E2F5: variants seen among roughly 807,000 people sequenced by gnomAD.
E2F5 encodes E2F transcription factor 5, also known as transcription factor E2F5.
E2F5 carries 23 observed loss-of-function variants against 39.1 expected under a neutral mutation model. The ratio of observed to expected loss-of-function variants is 0.59; its 90% confidence interval spans 0.42 to 0.83. E2F5 has a LOEUF of 0.83. E2F5 is among the 40% of genes least tolerant of loss of function. The pLI is 0.00. For missense variants in E2F5, 365 were observed against 406.7 expected (o/e 0.90, Z 0.88); for synonymous variants, 145 against 157.8 (o/e 0.92, Z 0.61).
rs1166893769 is a variant in E2F5 at position 85,189,166 on chromosome 8, A to G, written c.234+11512A>G. ...TCTTAATATTTTTGTGAAAGTGAGGATATACTTTCTGATGTTCCTTTTCCA... is the reference window on the plus strand; with the variant it reads ...TCTTAATATTTTTGTGAAAGTGAGGGTATACTTTCTGATGTTCCTTTTCCA... On this transcript the variant is annotated intron_variant, in intron 1 of 7. Coordinates refer to ENST00000416274, the MANE Select transcript of E2F5 (RefSeq NM_001951.4). Among the ~76,000 whole-genome samples the G allele has an allele frequency of 2.6e-5, 4 of 152,264 alleles. No homozygotes were observed. In the East Asian group the frequency reaches 7.7e-4, roughly 29 times the overall value.
At chr8:85,188,833 T>C (rs1469886675) in intron 1 of E2F5, among the ~76,000 whole-genome samples, 4 of 152,202 alleles carry the variant, frequency 2.6e-5, no homozygotes, top group Non-Finnish European at 4.4e-5. Context: ...GTCTCTCTCC[T>C]TGCTGTGCTT....
chr8:85,204,505 A>T (rs375865301), intron 3 of E2F5, among the ~76,000 whole-genome samples: 8 of 132,486 alleles, frequency 6.0e-5, no homozygotes, highest in East Asian at 2.5e-4. Context: ...GAACACATGG[A>T]CACAGGAAGG....
At chr8:85,210,547 G>A (rs898589495) in intron 6 of E2F5, among the ~76,000 whole-genome samples, 1 of 152,000 alleles carries the variant, frequency 6.6e-6, no homozygotes, top group Non-Finnish European at 1.5e-5. Context: ...TGGGTGTGGC[G>A]GCGCACACCT....
rs182533921 is a variant in E2F5, at chr8:85,189,975, C to T, written c.235-12172C>T. Among the ~76,000 whole-genome samples, 513 of 152,128 alleles carry T rather than the reference C, an allele frequency of 3.4e-3. 2 individuals carry two copies. Among genetic ancestry groups the T allele is most frequent in the Non-Finnish European group, 6.1e-3 (412 of 68,012 alleles). ...TAGCTGGGAGCTGACCTAGGAACTC[C>T]GGGACTCAAAAGCCAGATGTCATCA... is the stretch of plus-strand genomic sequence containing the variant. On this transcript the variant is annotated intron_variant, in intron 1 of 7. Transcript: ENST00000416274.
intron 5 of E2F5, among the ~76,000 whole-genome samples, chr8:85,208,370 A>G (rs1348863388): frequency 6.6e-6 from 1 of 152,226 alleles, no homozygotes; most frequent in Non-Finnish European, 1.5e-5. Context: ...TGATATAAAA[A>G]TTGCCACTGA....
chr8:85,184,961 C>T (rs1265648734), intron 1 of E2F5, among the ~76,000 whole-genome samples: 2 of 152,154 alleles, frequency 1.3e-5, no homozygotes, highest in Non-Finnish European at 2.9e-5. Context: ...AGATTCAATG[C>T]TATCCCTATC....
chr8:85,184,106 G>A (rs1236676386), intron 1 of E2F5, among the ~76,000 whole-genome samples: 13 of 152,212 alleles, frequency 8.5e-5, no homozygotes, highest in South Asian at 8.3e-4. Context: ...ACTGATGAAC[G>A]TCGATGCAAA....
intron 1 of E2F5, among the ~76,000 whole-genome samples, chr8:85,194,490 A>G (rs371877696): frequency 8.9e-5 from 13 of 146,638 alleles, no homozygotes; most frequent in East Asian, 4.0e-4. Context: ...TAGTTTTCTG[A>G]TTAACTTAGG....
At position 85,202,082 on chromosome 8, in the gene E2F5, C is replaced by A. The variant is rs1812709401; in HGVS notation, c.235-65C>A. 5 of 1,314,254 alleles carry A rather than the reference C, an allele frequency of 3.8e-6. No homozygotes were observed. In the Admixed American group the frequency reaches 7.9e-5, roughly 21 times the overall value. The allele number at this position is 1,314,254 out of a possible 1,614,324, so 81.4% of individuals were successfully genotyped here. A position where few individuals can be genotyped will look rare whatever the true frequency, so the allele number is the denominator to read the frequency against. On this transcript the variant is annotated intron_variant, in intron 1 of 7. Transcript: ENST00000416274. ...GACTTGTTGTGGATTTAATAATCAA[C>A]CCTTTTTGGCTTTAAAATATGACTT...
intron 1 of E2F5, among the ~76,000 whole-genome samples, chr8:85,182,114 C>T (rs1302093263): frequency 6.6e-6 from 1 of 152,186 alleles, no homozygotes; most frequent in Non-Finnish European, 1.5e-5. Flanking sequence ...CATATAGTCT[C>T]ATTTACAATA....
rs1813038143 is a variant in E2F5 at position 85,214,256 on chromosome 8, T to A, written c.*394T>A. The A allele has an allele frequency of 1.8e-6, 1 of 558,938 alleles. No individual in the cohort carries two copies. Among genetic ancestry groups the A allele is most frequent in the African/African-American group, 1.9e-5 (1 of 53,696 alleles). 34.6% of individuals were successfully genotyped at this position (558,938 alleles called of 1,614,324 possible). The stretch of plus-strand genomic sequence containing the variant: ...TTACTGCCACTAAACTGCCTGTATT[T>A]CTGTATGTCCTTCTATCCAAACAGA... On this transcript the variant is annotated 3_prime_UTR_variant, in exon 8 of 8. Coordinates refer to ENST00000416274, the MANE Select transcript of E2F5 (RefSeq NM_001951.4).
intron 1 of E2F5, among the ~76,000 whole-genome samples, chr8:85,188,124 A>T (rs575548203): frequency 1.3e-5 from 2 of 152,222 alleles, no homozygotes; most frequent in Admixed American, 6.5e-5. Flanking sequence ...TTATCTTTTT[A>T]TATCGTCTAT....
Position 85,183,336 on chromosome 8 carries a change from A to T in E2F5, c.234+5682A>T, listed in dbSNP as rs191401159. 2.2e-3 allele frequency among the ~76,000 whole-genome samples: 340 copies of T among 152,320 alleles called. 3 individuals carry two copies. Among genetic ancestry groups the T allele is most frequent in the African/African-American group, 6.4e-3 (268 of 41,576 alleles). On this transcript the variant is annotated intron_variant, in intron 1 of 7. Transcript: ENST00000416274. The stretch of plus-strand genomic sequence containing the variant: ...AGGTAGAATTAGCCTAAGGAGAGAT[A>T]TGTGGGTAGGACAGCGAGAACTTTA...
rs536721240 is a variant in E2F5, at chr8:85,200,126, A to T, written c.235-2021A>T. Among the ~76,000 whole-genome samples, 8 of 152,278 alleles carry T rather than the reference A, an allele frequency of 5.3e-5. No individual in the cohort carries two copies. The East Asian group carries it at 1.5e-3, about 29-fold the overall frequency. On this transcript the variant is annotated intron_variant, in intron 1 of 7. Transcript: ENST00000416274. ...GCCAGTCGTGGTGGTACACACCTGT[A>T]GTCCCAGCTACTTGGGAGGCTGAGG... is the stretch of plus-strand genomic sequence containing the variant.
chr8:85,188,310 A>G (rs1364134482), intron 1 of E2F5, among the ~76,000 whole-genome samples: 1 of 122,406 alleles, frequency 8.2e-6, no homozygotes, highest in Non-Finnish European at 1.6e-5. Flanking sequence ...GTTACTCCTT[A>G]GCATCCTTTT....
intron 1 of E2F5, chr8:85,200,329 T>A (rs892118140): frequency 1.2e-5 from 11 of 926,868 alleles, no homozygotes; most frequent in Non-Finnish European, 1.4e-5. Flanking sequence ...ATGTTAGTCA[T>A]TTATATGTTT....
At chr8:85,196,445 CAAT>C (rs1812582615) in intron 1 of E2F5, among the ~76,000 whole-genome samples, 1 of 152,050 alleles carries the variant, frequency 6.6e-6, no homozygotes, top group Non-Finnish European at 1.5e-5. Context: ...TATTATTTTT[CAAT>C]AATAAGTGGA....
At chr8:85,192,075 T>C (rs1812479456) in intron 1 of E2F5, among the ~76,000 whole-genome samples, 1 of 152,064 alleles carries the variant, frequency 6.6e-6, no homozygotes, top group Admixed American at 6.5e-5. Flanking sequence ...TGACTTCACA[T>C]TGTGGAAGTG....
chr8:85,183,099 AAAAT>A (rs775430574), intron 1 of E2F5, among the ~76,000 whole-genome samples: 1 of 152,132 alleles, frequency 6.6e-6, no homozygotes, highest in Non-Finnish European at 1.5e-5. Context: ...AAAATACAAA[AAAAT>A]TAGCCGGGTG....
Sources: allele counts gnomAD v4.1 joint callset (sites outside exome capture counted in the v4.1 genomes callset), GRCh38; gene constraint gnomAD v4.1.1; transcripts MANE v1.5; gene names NCBI Gene and HGNC (gene_info 2026-07-23, HGNC 2026-07-21).